The following METTL21A variants were observed in gnomAD, a reference collection of about 807,000 sequenced individuals.
METTL21A encodes methyltransferase 21A, HSPA lysine, also known as protein N-lysine methyltransferase METTL21A.
Under a neutral mutation model 20.9 loss-of-function variants are expected in METTL21A, and 22 were observed. The ratio of observed to expected loss-of-function variants is 1.05; its 90% CI spans 0.75 to 1.50. METTL21A has a LOEUF of 1.50. METTL21A is among the 40% of genes most tolerant of loss of function. The pLI is 0.00. For synonymous variants in METTL21A, 93 were observed against 102.0 expected (o/e 0.91, Z 0.53); for missense variants, 271 against 266.8 (o/e 1.02, Z -0.11).
intron 3 of METTL21A, among the ~76,000 whole-genome samples, chr2:207,613,950 G>A (rs1463532403): frequency 1.3e-5 from 2 of 152,058 alleles, no homozygotes; most frequent in Non-Finnish European, 2.9e-5. Flanking sequence ...CAGCCTGGGT[G>A]ACAAGAGCAA....
intron 2 of METTL21A, among the ~76,000 whole-genome samples, chr2:207,622,917 T>C (rs2090667208): frequency 6.6e-6 from 1 of 152,054 alleles, no homozygotes; most frequent in Non-Finnish European, 1.5e-5. Flanking sequence ...TTATCTTTTT[T>C]TTTTTTTTGA....
Position 207,581,715 on chromosome 2 carries a change from A to G in METTL21A, c.*432T>C, listed in dbSNP as rs2082981205. 5.0e-6 allele frequency: 3 copies of G among 602,532 alleles called. No individual in the cohort carries two copies. In the East Asian group the frequency reaches 8.3e-5, roughly 17 times the overall value. 37.3% of individuals were successfully genotyped at this position (602,532 alleles called of 1,614,324 possible). On this transcript the variant is annotated 3_prime_UTR_variant, in exon 4 of 4. Transcript: ENST00000425132. The stretch of plus-strand genomic sequence containing the variant: ...TTAGTATATTACATAACCAGGGTAC[A>G]TTTATCAAAAATAAAAGTACATTGG...
intron 3 of METTL21A, chr2:207,599,345 C>G (rs2086669229): frequency 9.8e-6 from 2 of 203,600 alleles, no homozygotes; most frequent in African/African-American, 4.6e-5. Context: ...AATGTCGAAT[C>G]GAACATTTTG....
intron 3 of METTL21A, chr2:207,600,721 A>G (rs572220441): frequency 3.5e-4 from 74 of 212,082 alleles, no homozygotes; most frequent in African/African-American, 1.6e-3. Context: ...TGAAAGCACA[A>G]TACCAGTCAG....
chr2:207,592,667 TC>T (rs909505645), intron 3 of METTL21A, among the ~76,000 whole-genome samples: 5 of 152,098 alleles, frequency 3.3e-5, no homozygotes, highest in Admixed American at 6.5e-5. Context: ...ACGCATGTAA[TC>T]CCAGCACTTT....
downstream of METTL21A, among the ~76,000 whole-genome samples, chr2:207,608,743 G>A (rs889562051): frequency 6.6e-6 from 1 of 152,150 alleles, no homozygotes; most frequent in Non-Finnish European, 1.5e-5. Context: ...TGGCTAACAC[G>A]GTGAAACCCC....
chr2:207,625,726 C>G (rs973953810), upstream of METTL21A: 3 of 152,336 alleles, frequency 2.0e-5, no homozygotes, highest in Non-Finnish European at 4.4e-5. Context: ...CTCCGCCGCT[C>G]TCTGCCTCTG....
At chr2:207,624,074 T>C (rs560933086) in intron 2 of METTL21A, among the ~76,000 whole-genome samples, 155 bp downstream of exon 2, 15 of 152,330 alleles carry the variant, frequency 9.8e-5, no homozygotes, top group African/African-American at 1.4e-4. Context: ...GTGAATATAC[T>C]GTATTTTTAA....
chr2:207,613,295 T>C, exon 4 of METTL21A: 2 of 1,614,128 alleles, frequency 1.2e-6, no homozygotes, highest in Non-Finnish European at 1.7e-6. Context: ...TCAGGTCAAA[T>C]TCTCCAGGAG....
At chr2:207,591,535 T>G (rs949878175) in intron 3 of METTL21A, among the ~76,000 whole-genome samples, 1 of 152,148 alleles carries the variant, frequency 6.6e-6, no homozygotes, top group Non-Finnish European at 1.5e-5. Flanking sequence ...CTGATTCAAG[T>G]GATTCTCGTG....
At chr2:207,626,025 T>C (rs1294408220), upstream of METTL21A, 2 of 152,318 alleles carry the variant, frequency 1.3e-5, no homozygotes, top group African/African-American at 2.4e-5. Context: ...GCTCTGGGCG[T>C]GCGCTCGGCT....
intron 3 of METTL21A, among the ~76,000 whole-genome samples, chr2:207,587,493 A>G (rs2084096382): frequency 6.6e-6 from 1 of 152,206 alleles, no homozygotes; most frequent in Non-Finnish European, 1.5e-5. Flanking sequence ...AAAGAAAGGA[A>G]ACCAGTATTG....
At chr2:207,614,106 A>C (rs1274998809) in intron 3 of METTL21A, among the ~76,000 whole-genome samples, 7 of 152,136 alleles carry the variant, frequency 4.6e-5, no homozygotes, top group Non-Finnish European at 4.4e-5. Flanking sequence ...CAAGAATGAA[A>C]TATCTGGGAG....
chr2:207,597,244 C>A, intron 3 of METTL21A: 1 of 539,354 alleles, frequency 1.9e-6, no homozygotes, highest in Non-Finnish European at 3.0e-6. Context: ...CCAACACCTG[C>A]CTCCACTTCT....
chr2:207,619,117 A>G (rs2090161548), intron 3 of METTL21A, among the ~76,000 whole-genome samples: 1 of 151,822 alleles, frequency 6.6e-6, no homozygotes, highest in Non-Finnish European at 1.5e-5. Flanking sequence ...AGGAATTAGC[A>G]GCTGGTTTTT....
At chr2:207,592,223 T>C (rs1049750082) in intron 3 of METTL21A, among the ~76,000 whole-genome samples, 3 of 152,052 alleles carry the variant, frequency 2.0e-5, no homozygotes, top group African/African-American at 7.2e-5. Flanking sequence ...CTGGCCAACA[T>C]GGTGAAACCC....
At chr2:207,582,212 A>G in intron 3 of METTL21A, 1 of 702,564 alleles carries the variant, frequency 1.4e-6, no homozygotes, top group Admixed American at 2.0e-5. Flanking sequence ...AAACCACCAC[A>G]GTAATTAGGT....
In METTL21A at chr2:207,598,569, G is replaced by A. The variant is rs73056958; in HGVS notation, c.260-16409C>T. The A allele has an allele frequency of 0.011, 1,875 of 176,966 alleles. 33 individuals carry two copies. Among genetic ancestry groups the A allele is most frequent in the African/African-American group, 0.041 (1,724 of 42,322 alleles). 11.0% of individuals were successfully genotyped at this position (176,966 alleles called of 1,614,324 possible). On this transcript the variant is annotated intron_variant, in intron 3 of 3. Transcript: ENST00000425132. ...AGGTTATAATTTCTCATTTGGAGCCGGGCGCAGTGGCTCACGCCTGTAATC... is the reference window on the plus strand; with the variant it reads ...AGGTTATAATTTCTCATTTGGAGCCAGGCGCAGTGGCTCACGCCTGTAATC...
At chr2:207,597,235 C>T (rs561431993) in intron 3 of METTL21A, 1 of 592,240 alleles carries the variant, frequency 1.7e-6, no homozygotes, top group East Asian at 3.5e-5. Flanking sequence ...GTGAATGTTC[C>T]AACACCTGCC....
Sources: allele counts gnomAD v4.1 joint callset (sites outside exome capture counted in the v4.1 genomes callset), GRCh38; gene constraint gnomAD v4.1.1; transcripts MANE v1.5; gene names NCBI Gene and HGNC (gene_info 2026-07-23, HGNC 2026-07-21).